CALCR: variants seen among roughly 807,000 people sequenced by gnomAD.
CALCR encodes calcitonin receptor.
CALCR carries 47 observed loss-of-function variants against 59.5 expected under a neutral mutation model. The ratio of observed to expected loss-of-function variants is 0.79; its 90% confidence interval spans 0.63 to 1.01. The LOEUF (loss-of-function observed/expected upper bound fraction) is 1.01, where lower values mean the gene tolerates loss of function less well. Among genes scored for constraint, CALCR ranks in the 50% least tolerant of loss-of-function variants. The pLI is 0.00. For synonymous variants in CALCR, 213 were observed against 211.3 expected (o/e 1.01, Z -0.07); for missense variants, 566 against 597.1 (o/e 0.95, Z 0.54).
intron 8 of CALCR, among the ~76,000 whole-genome samples, chr7:93,448,747 A>G (rs1176607401): frequency 6.6e-6 from 1 of 152,014 alleles, no homozygotes; most frequent in South Asian, 2.1e-4. Flanking sequence ...GTGAAAATTT[A>G]TAAGGAACAG....
In CALCR at chr7:93,426,192, G is replaced by A; in HGVS notation, c.*164C>T. 4 of 581,902 alleles carry A rather than the reference G, an allele frequency of 6.9e-6. No homozygotes were observed. Among genetic ancestry groups the A allele is most frequent in the South Asian group, 6.7e-5 (3 of 44,704 alleles). The allele number at this position is 581,902 out of a possible 1,614,324, so 36.0% of individuals were successfully genotyped here. A position where few individuals can be genotyped will look rare whatever the true frequency, so the allele number is the denominator to read the frequency against. The stretch of plus-strand genomic sequence containing the variant: ...TCCTAGACTGTCTCCCAAAGCAACA[G>A]TACCAAGAATAACTTTCTTCAGATT... On this transcript the variant is annotated 3_prime_UTR_variant, in exon 14 of 14. Transcript: ENST00000426151.
chr7:93,573,232 C>T (rs1463682130), intron 2 of CALCR, among the ~76,000 whole-genome samples: 1 of 152,146 alleles, frequency 6.6e-6, no homozygotes, highest in African/African-American at 2.4e-5. Flanking sequence ...CCTACTTTGT[C>T]CTTAATGGTA....
chr7:93,434,920 G>A (rs1799741837), intron 12 of CALCR, among the ~76,000 whole-genome samples: 1 of 152,262 alleles, frequency 6.6e-6, no homozygotes, highest in Non-Finnish European at 1.5e-5. Context: ...CTCACATTAA[G>A]CCTAATATAG....
At chr7:93,442,358 A>G (rs1457333516) in intron 9 of CALCR, among the ~76,000 whole-genome samples, 1 of 152,100 alleles carries the variant, frequency 6.6e-6, no homozygotes, top group Admixed American at 6.6e-5. Flanking sequence ...TTGACCCACC[A>G]TTATCGGATT....
chr7:93,568,880 A>AT (rs1016719012), intron 2 of CALCR, among the ~76,000 whole-genome samples: 17 of 151,008 alleles, frequency 1.1e-4, no homozygotes, highest in Admixed American at 2.7e-4. Flanking sequence ...CAAAGACATT[A>AT]TTTTTTTTTC....
chr7:93,552,911 A>G (rs948266387), intron 2 of CALCR, among the ~76,000 whole-genome samples: 4 of 152,156 alleles, frequency 2.6e-5, no homozygotes, highest in African/African-American at 7.2e-5. Context: ...AGTGTAGCAC[A>G]TATCACAACT....
chr7:93,475,551 T>C (rs2115870453), intron 5 of CALCR, among the ~76,000 whole-genome samples: 1 of 151,842 alleles, frequency 6.6e-6, no homozygotes, highest in African/African-American at 2.4e-5. Context: ...AGTTTTTTTT[T>C]TAAATAAAAT....
At chr7:93,488,056 C>T (rs762613860) in intron 2 of CALCR, among the ~76,000 whole-genome samples, 31 of 151,512 alleles carry the variant, frequency 2.0e-4, no homozygotes, top group Non-Finnish European at 7.4e-5. Context: ...TAACAGAAGA[C>T]CTCTCAACAG....
intron 2 of CALCR, among the ~76,000 whole-genome samples, chr7:93,556,798 T>A (rs1035443303): frequency 6.6e-5 from 10 of 152,072 alleles, no homozygotes; most frequent in Admixed American, 5.9e-4. Context: ...AGTATTTCCC[T>A]ATTGATTGGC....
intron 2 of CALCR, among the ~76,000 whole-genome samples, chr7:93,537,313 A>C (rs749154816): frequency 6.6e-6 from 1 of 151,784 alleles, no homozygotes; most frequent in Non-Finnish European, 1.5e-5. Context: ...GATGAGAAGA[A>C]TATAGTTCAA....
chr7:93,540,478 T>G (rs56803662), intron 2 of CALCR, among the ~76,000 whole-genome samples: 29,154 of 151,940 alleles, frequency 0.19, 3,458 homozygotes, highest in East Asian at 0.36. Context: ...ATTTTGATCT[T>G]TATGTAACTC....
intron 2 of CALCR, among the ~76,000 whole-genome samples, chr7:93,557,716 T>C (rs13237782): frequency 0.29 from 43,758 of 151,842 alleles, 7,609 homozygotes; most frequent in Non-Finnish European, 0.39. Flanking sequence ...TCTCCTAGTG[T>C]ATCAATATTT....
In CALCR at chr7:93,462,419, G is replaced by C. The variant is rs73712898; in HGVS notation, c.522-1472C>G. Reference sequence around the variant, plus strand: ...GGTTTTATAATAGCACTAAAGGTAGGTTGCAAATTTAAATTTAAACAAAAA... The same window carrying C: ...GGTTTTATAATAGCACTAAAGGTAGCTTGCAAATTTAAATTTAAACAAAAA... On this transcript the variant is annotated intron_variant, in intron 7 of 13. Coordinates refer to ENST00000426151, the MANE Select transcript of CALCR (RefSeq NM_001742.4). 0.062 allele frequency among the ~76,000 whole-genome samples: 9,412 copies of C among 152,028 alleles called. 934 individuals are homozygous for C. Among genetic ancestry groups the C allele is most frequent in the African/African-American group, 0.21 (8,557 of 41,458 alleles).
intron 2 of CALCR, among the ~76,000 whole-genome samples, chr7:93,510,936 T>A (rs28398992): frequency 0.28 from 42,819 of 151,698 alleles, 6,380 homozygotes; most frequent in Non-Finnish European, 0.32. Context: ...GAAGAATGGG[T>A]TGGGGAAGAG....
intron 2 of CALCR, among the ~76,000 whole-genome samples, chr7:93,515,287 G>C (rs1408786350): frequency 3.3e-5 from 5 of 151,970 alleles, no homozygotes; most frequent in African/African-American, 1.2e-4. Context: ...GAGTTCTGAA[G>C]CAAACAGCAT....
At chr7:93,574,050 T>C (rs13224825) in intron 2 of CALCR, among the ~76,000 whole-genome samples, 11,767 of 152,260 alleles carry the variant, frequency 0.077, 531 homozygotes, top group African/African-American at 0.085. Context: ...AATCAAACGA[T>C]TCTTCAATAC....
chr7:93,529,235 T>C lies in CALCR; in HGVS notation c.-26-42228A>G, dbSNP rs113802672. ...TATCCTTTCGGTGCTGTTCTAGTGA[T>C]AGTGATGAGTTCTTGTGAGATCCAG... On this transcript the variant is annotated intron_variant, in intron 2 of 13. Transcript: ENST00000426151. Among the ~76,000 whole-genome samples, 228 of 152,236 alleles carry C rather than the reference T, an allele frequency of 1.5e-3. 2 individuals carry two copies. Among genetic ancestry groups the C allele is most frequent in the African/African-American group, 5.2e-3 (217 of 41,538 alleles).
At chr7:93,542,684 C>T (rs997694019) in intron 2 of CALCR, among the ~76,000 whole-genome samples, 2 of 145,950 alleles carry the variant, frequency 1.4e-5, no homozygotes, top group Non-Finnish European at 3.1e-5. Context: ...ACAAATTGTA[C>T]ATTTGTACAA....
At chr7:93,431,801 C>CCA (rs2115671288) in intron 13 of CALCR, among the ~76,000 whole-genome samples, 1 of 152,242 alleles carries the variant, frequency 6.6e-6, no homozygotes, top group African/African-American at 2.4e-5. Context: ...CTATTTTATC[C>CCA]ACGATGTACG....
Sources: allele counts gnomAD v4.1 joint callset (sites outside exome capture counted in the v4.1 genomes callset), GRCh38; gene constraint gnomAD v4.1.1; transcripts MANE v1.5; gene names NCBI Gene and HGNC (gene_info 2026-07-23, HGNC 2026-07-21).